The following CLDN10 variants were observed in gnomAD, a reference collection of about 807,000 sequenced individuals.
CLDN10 encodes the protein claudin-10.
Under a neutral mutation model 22.9 loss-of-function variants are expected in CLDN10, and 15 were observed. The ratio of observed to expected loss-of-function variants is 0.65; its 90% CI spans 0.44 to 1.01. The LOEUF is 1.01. Ranked by LOEUF, CLDN10 falls within the 50% of genes least tolerant of loss-of-function variation. CLDN10 has a pLI of 0.00. For missense variants in CLDN10, 247 were observed against 287.8 expected (o/e 0.86, Z 1.03); for synonymous variants, 114 against 111.4 (o/e 1.02, Z -0.15).
intron 1 of CLDN10, among the ~76,000 whole-genome samples, chr13:95,464,932 G>T (rs2042569835): frequency 1.3e-5 from 2 of 152,046 alleles, no homozygotes; most frequent in South Asian, 4.1e-4. Flanking sequence ...TCACCATGTT[G>T]CCCAGGCTGG....
chr13:95,447,261 T>C (rs543861505), intron 1 of CLDN10, among the ~76,000 whole-genome samples: 1 of 152,330 alleles, frequency 6.6e-6, no homozygotes, highest in Non-Finnish European at 1.5e-5. Flanking sequence ...GCCAGTCATA[T>C]GAGGGGATTT....
chr13:95,518,401 C>T (rs928498863), intron 1 of CLDN10, among the ~76,000 whole-genome samples: 2 of 152,138 alleles, frequency 1.3e-5, no homozygotes, highest in Non-Finnish European at 2.9e-5. Context: ...TACATGAGAA[C>T]ATTTGCAAAA....
chr13:95,461,904 C>T (rs1184410865), intron 1 of CLDN10, among the ~76,000 whole-genome samples: 2 of 151,822 alleles, frequency 1.3e-5, no homozygotes, highest in African/African-American at 2.4e-5. Context: ...CCAACCTGGG[C>T]AACATAGCAA....
At chr13:95,435,082 C>T (rs376937150) in intron 1 of CLDN10, among the ~76,000 whole-genome samples, 9 of 151,968 alleles carry the variant, frequency 5.9e-5, no homozygotes, top group East Asian at 5.8e-4. Flanking sequence ...TACAAGTGTA[C>T]GTATCTCAAA....
At chr13:95,576,086 A>G (rs778480042) in intron 3 of CLDN10, among the ~76,000 whole-genome samples, 2 of 152,148 alleles carry the variant, frequency 1.3e-5, no homozygotes, top group African/African-American at 2.4e-5. Flanking sequence ...GTTCAGAGAT[A>G]GTGACACTTC....
intron 1 of CLDN10, among the ~76,000 whole-genome samples, chr13:95,461,067 A>G (rs1356701784): frequency 6.6e-6 from 1 of 152,116 alleles, no homozygotes; most frequent in Admixed American, 6.5e-5. Context: ...AGCCGAGATC[A>G]GCTCACTGCA....
chr13:95,571,889 T>A lies in CLDN10; in HGVS notation c.465-5342T>A, dbSNP rs143402929. Reference sequence around the variant, plus strand: ...GTAATTGGAAAATGCATTTTGGCTGTTACTACTCTTGATTAAAATGAGGAG... The same window carrying A: ...GTAATTGGAAAATGCATTTTGGCTGATACTACTCTTGATTAAAATGAGGAG... On this transcript the variant is annotated intron_variant, in intron 3 of 4. Coordinates refer to ENST00000299339, the MANE Select transcript of CLDN10 (RefSeq NM_006984.5). Among the ~76,000 whole-genome samples, 856 of 152,342 alleles carry A rather than the reference T, an allele frequency of 5.6e-3. 10 individuals are homozygous for A. Among genetic ancestry groups the A allele is most frequent in the African/African-American group, 0.02 (827 of 41,574 alleles).
intron 1 of CLDN10, among the ~76,000 whole-genome samples, chr13:95,471,372 GTA>G (rs200898002): frequency 5.2e-4 from 77 of 147,912 alleles, no homozygotes; most frequent in Non-Finnish European, 9.4e-4. Flanking sequence ...GTGTGTGTGT[GTA>G]TATATATAAC....
At position 95,517,761 on chromosome 13, in the gene CLDN10, C is replaced by A. The variant is rs1014090052; in HGVS notation, c.215-42371C>A. ...GACCAGCCTGGTCAACATGGTGAAA[C>A]CCCATCTACTAAAAATGCAAAAATT... On this transcript the variant is annotated intron_variant, in intron 1 of 4. Coordinates refer to the CLDN10 transcript ENST00000376873. Among the ~76,000 whole-genome samples the A allele has an allele frequency of 4.6e-5, 7 of 152,026 alleles. No homozygotes were observed. The East Asian group carries it at 1.4e-3, about 29-fold the overall frequency.
At chr13:95,507,814 G>T (rs778718785) in intron 1 of CLDN10, among the ~76,000 whole-genome samples, 4 of 152,014 alleles carry the variant, frequency 2.6e-5, no homozygotes, top group Middle Eastern at 3.2e-3. Flanking sequence ...GTAAAGATGA[G>T]GTTTCTCCAT....
chr13:95,520,162 T>A (rs2043210242), intron 1 of CLDN10, among the ~76,000 whole-genome samples: 1 of 152,194 alleles, frequency 6.6e-6, no homozygotes, highest in South Asian at 2.1e-4. Context: ...TAATCAGAAC[T>A]AATACCAGAT....
intron 1 of CLDN10, among the ~76,000 whole-genome samples, chr13:95,488,262 A>G (rs2042827576): frequency 6.6e-6 from 1 of 151,668 alleles, no homozygotes; most frequent in South Asian, 2.1e-4. Context: ...AAAAAAAGAA[A>G]GATGCAATTG....
In CLDN10 at chr13:95,435,616, A is replaced by G. The variant is rs149254787; in HGVS notation, c.214+1569A>G. 7.4e-3 allele frequency among the ~76,000 whole-genome samples: 1,119 copies of G among 152,242 alleles called. 50 individuals are homozygous for G. Among genetic ancestry groups the G allele is most frequent in the Admixed American group, 0.062 (951 of 15,276 alleles). On this transcript the variant is annotated intron_variant, in intron 1 of 4. Transcript: ENST00000376873. The stretch of plus-strand genomic sequence containing the variant: ...CTAAACTTATTTTGGGTATTTCAAC[A>G]CTGATCCTTCTAATATAGAACACTG...
chr13:95,574,188 CAT>C (rs1161141512), intron 3 of CLDN10, among the ~76,000 whole-genome samples: 2 of 152,078 alleles, frequency 1.3e-5, no homozygotes, highest in African/African-American at 2.4e-5. Context: ...CATATGAACA[CAT>C]GTCAATTTTT....
chr13:95,447,428 A>C (rs550600607), intron 1 of CLDN10, among the ~76,000 whole-genome samples: 4 of 152,314 alleles, frequency 2.6e-5, no homozygotes, highest in African/African-American at 9.6e-5. Flanking sequence ...TCTCCTGTTT[A>C]AACCTGGACC....
At chr13:95,490,426 C>A (rs918191707) in intron 1 of CLDN10, among the ~76,000 whole-genome samples, 1 of 152,000 alleles carries the variant, frequency 6.6e-6, no homozygotes, top group Non-Finnish European at 1.5e-5. Context: ...CTTGAAGAGG[C>A]CTTTCGACTC....
chr13:95,507,838 G>C (rs1299828163), intron 1 of CLDN10, among the ~76,000 whole-genome samples: 1 of 152,036 alleles, frequency 6.6e-6, no homozygotes, highest in Non-Finnish European at 1.5e-5. Context: ...GGTTAGAGTG[G>C]TCTTGAACTC....
At chr13:95,569,322 G>T (rs1566343414) in intron 3 of CLDN10, among the ~76,000 whole-genome samples, 1 of 152,168 alleles carries the variant, frequency 6.6e-6, no homozygotes, top group Non-Finnish European at 1.5e-5. Flanking sequence ...AGTGGCTCAT[G>T]CCTGTAATCC....
At position 95,567,196 on chromosome 13, in the gene CLDN10, A is replaced by G. The variant is rs112248861; in HGVS notation, c.464+6733A>G. ...GCTTGATGGGGATGGCACTGAATCT[A>G]TAAATTACCTTGGGCAGTATGGCCA... is the stretch of plus-strand genomic sequence containing the variant. On this transcript the variant is annotated intron_variant, in intron 3 of 4. Coordinates refer to ENST00000299339, the MANE Select transcript of CLDN10 (RefSeq NM_006984.5). Among the ~76,000 whole-genome samples the G allele has an allele frequency of 8.0e-3, 1,213 of 152,264 alleles. 17 individuals carry two copies. The highest frequency in any genetic ancestry group is 0.028 in the African/African-American group (1,144 of 41,542).
Sources: gnomAD v4.1 joint callset for allele counts (sites outside exome capture counted in the v4.1 genomes callset) on GRCh38, gnomAD v4.1.1 for gene constraint, MANE v1.5 for transcripts, NCBI Gene and HGNC (gene_info 2026-07-23, HGNC 2026-07-21) for gene names.